AP1G1: variants seen among roughly 807,000 people sequenced by gnomAD.
AP1G1 encodes AP-1 complex subunit gamma-1.
In AP1G1, 7 loss-of-function variants were observed where a neutral mutation model predicts 108.3. The ratio of observed to expected loss-of-function variants is 0.06; its 90% CI spans 0.04 to 0.12. The LOEUF is 0.12. Ranked by LOEUF, AP1G1 falls within the 10% of genes least tolerant of loss-of-function variation. The pLI is 1.00. For synonymous variants in AP1G1, 379 were observed against 353.5 expected (o/e 1.07, Z -0.81); for missense variants, 756 against 1,010.7 (o/e 0.75, Z 3.42).
At chr16:71,750,368 C>T in intron 13 of AP1G1, 36 bp from the exon 14 acceptor site, 1 of 1,610,522 alleles carries the variant, frequency 6.2e-7, no homozygotes, top group East Asian at 2.2e-5. Context: ...CCTAGAAACA[C>T]ACAGAAATGA....
chr16:71,758,947 A>G (rs766177044), intron 10 of AP1G1, 26 bp from the exon 11 acceptor site: 3 of 1,350,802 alleles, frequency 2.2e-6, no homozygotes, highest in South Asian at 2.5e-5. Context: ...GCAAAATAAC[A>G]GAGTTAAAAT....
chr16:71,743,043 A>T (rs764939478), intron 19 of AP1G1: 6 of 152,176 alleles, frequency 3.9e-5, no homozygotes, highest in Non-Finnish European at 5.9e-5. Context: ...ATTTGTTGAT[A>T]AAGTATTAGT....
intron 12 of AP1G1, among the ~76,000 whole-genome samples, chr16:71,754,893 T>C (rs2030699831): frequency 6.6e-6 from 1 of 151,782 alleles, no homozygotes; most frequent in Admixed American, 6.6e-5. Context: ...AGAAATGAGA[T>C]TTGTTTTCAG....
Position 71,739,108 on chromosome 16 carries a change from A to G in AP1G1, c.2108-6T>C. On this transcript the variant is annotated splice_polypyrimidine_tract_variant and splice_region_variant and intron_variant, in intron 20 of 22. Coordinates refer to ENST00000299980, the MANE Select transcript of AP1G1 (RefSeq NM_001128.6). ...TGCTGTGATGGAGGGGATGCCTGAG[A>G]AAGTACAGGAAGATAAGTCTTATTG... is the stretch of plus-strand genomic sequence containing the variant. 2 of 1,614,066 alleles carry G rather than the reference A, an allele frequency of 1.2e-6. No individual in the cohort carries two copies. The highest frequency in any genetic ancestry group is 1.7e-6 in the Non-Finnish European group (2 of 1,179,964).
intron 1 of AP1G1, among the ~76,000 whole-genome samples, chr16:71,790,769 A>G (rs72801748): frequency 0.058 from 8,867 of 152,296 alleles, 398 homozygotes; most frequent in Middle Eastern, 0.13. Context: ...TCAAAGCTAA[A>G]ACTAAAAATC....
chr16:71,759,278 T>C (rs2030960245), intron 10 of AP1G1, among the ~76,000 whole-genome samples: 1 of 151,504 alleles, frequency 6.6e-6, no homozygotes, highest in African/African-American at 2.4e-5. Context: ...GCCAACATGG[T>C]GAAACCCTAT....
chr16:71,796,679 C>A (rs1426011391), intron 1 of AP1G1, among the ~76,000 whole-genome samples: 2 of 152,188 alleles, frequency 1.3e-5, no homozygotes, highest in Non-Finnish European at 2.9e-5. Context: ...TGAGATACCA[C>A]CCCACCCTGT....
intron 21 of AP1G1, among the ~76,000 whole-genome samples, chr16:71,735,053 A>G (rs953263741): frequency 6.6e-6 from 1 of 152,218 alleles, no homozygotes; most frequent in Non-Finnish European, 1.5e-5. Context: ...TGCAAGTAAA[A>G]TATCGGTGCT....
chr16:71,789,154 C>T (rs928997081), intron 2 of AP1G1, 125 bp downstream of exon 2: 1 of 866,852 alleles, frequency 1.2e-6, no homozygotes, highest in Non-Finnish European at 1.8e-6. Context: ...CAATCTTACC[C>T]TCAGTTCCAC....
intron 22 of AP1G1, 120 bp from the exon 23 acceptor site, chr16:71,733,279 G>A: frequency 1.3e-6 from 1 of 749,382 alleles, no homozygotes; most frequent in Non-Finnish European, 2.1e-6. Context: ...TGTCTGTTAA[G>A]AATGACAGGT....
Position 71,744,571 on chromosome 16 carries a change from GTTTTTTTTT to G in AP1G1, c.1999+564_1999+572del, listed in dbSNP as rs71856788. Among the ~76,000 whole-genome samples, 5 of 114,410 alleles carry G rather than the reference GTTTTTTTTT, an allele frequency of 4.4e-5. 1 individual carries two copies. The highest frequency in any genetic ancestry group is 1.1e-4 in the Admixed American group (1 of 9,398). 75.1% of individuals were successfully genotyped at this position (114,410 alleles called of 152,430 possible). On this transcript the variant is annotated intron_variant, in intron 19 of 22. Coordinates refer to ENST00000299980, the MANE Select transcript of AP1G1 (RefSeq NM_001128.6). ...TTTTTGAGCTTGAAAGAGAAAGTGT[GTTTTTTTTT>G]TTTTTTTTTTGGAGACAGAGTCTTG...
intron 19 of AP1G1, among the ~76,000 whole-genome samples, chr16:71,741,189 G>T (rs2045615665): frequency 6.6e-6 from 1 of 151,926 alleles, no homozygotes; most frequent in Non-Finnish European, 1.5e-5. Flanking sequence ...ATTTAAAAAA[G>T]AACTATCACA....
Position 71,766,270 on chromosome 16 carries a change from A to T in AP1G1, c.643-686T>A, listed in dbSNP as rs149802986. 9.9e-4 allele frequency among the ~76,000 whole-genome samples: 150 copies of T among 152,210 alleles called. 1 individual carries two copies. The highest frequency in any genetic ancestry group is 3.5e-3 in the African/African-American group (145 of 41,540). The stretch of plus-strand genomic sequence containing the variant: ...TTTTTTTAAATTTCAGGACTTATTT[A>T]TATATATGGCTTTATGGCCTGTTTT... On this transcript the variant is annotated intron_variant, in intron 6 of 22. Coordinates refer to ENST00000299980, the MANE Select transcript of AP1G1 (RefSeq NM_001128.6).
At chr16:71,760,162 G>C (rs1421697263) in intron 10 of AP1G1, among the ~76,000 whole-genome samples, 2 of 151,560 alleles carry the variant, frequency 1.3e-5, no homozygotes, top group Non-Finnish European at 2.9e-5. Context: ...GAGCCACCAC[G>C]CCCGGCAATC....
chr16:71,784,348 C>T (rs1469092145), intron 2 of AP1G1, among the ~76,000 whole-genome samples: 1 of 152,188 alleles, frequency 6.6e-6, no homozygotes, highest in Non-Finnish European at 1.5e-5. Context: ...TGCAGTTTTG[C>T]TCTTCCATCT....
chr16:71,759,469 A>AATAAATTAATTAAATTAAAT, intron 10 of AP1G1, among the ~76,000 whole-genome samples: 2 of 149,810 alleles, frequency 1.3e-5, no homozygotes, highest in East Asian at 2.0e-4. Flanking sequence ...TCAAAAAAAA[A>AATAAATTAATTAAATTAAAT]TAAAATTGGG....
chr16:71,789,867 T>C (rs1420720999), intron 1 of AP1G1, among the ~76,000 whole-genome samples: 2 of 152,202 alleles, frequency 1.3e-5, no homozygotes, highest in Non-Finnish European at 2.9e-5. Context: ...ATATTATCTG[T>C]TCAACTGCTG....
intron 21 of AP1G1, 133 bp from the exon 22 acceptor site, chr16:71,734,840 T>C: frequency 2.9e-6 from 2 of 681,086 alleles, no homozygotes; most frequent in Non-Finnish European, 5.2e-6. Flanking sequence ...TGCCTACTAC[T>C]TGTTTTCTAG....
chr16:71,756,365 T>C (rs2030784706), intron 11 of AP1G1: 2 of 448,954 alleles, frequency 4.5e-6, no homozygotes, highest in Admixed American at 8.4e-5. Flanking sequence ...TGAATCTTCA[T>C]GCAATATTCT....
Sources: gnomAD v4.1 joint callset for allele counts (sites outside exome capture counted in the v4.1 genomes callset) on GRCh38, gnomAD v4.1.1 for gene constraint, MANE v1.5 for transcripts, NCBI Gene and HGNC (gene_info 2026-07-23, HGNC 2026-07-21) for gene names.